The following MICAL2 variants were observed in gnomAD, a reference collection of about 807,000 sequenced individuals.
MICAL2 encodes microtubule associated monooxygenase, calponin and LIM domain containing 2, also known as [F-actin]-monooxygenase MICAL2.
In MICAL2, 77 loss-of-function variants were observed where a neutral mutation model predicts 127.3. The ratio of observed to expected loss-of-function variants is 0.60; its 90% CI spans 0.50 to 0.73. The LOEUF (loss-of-function observed/expected upper bound fraction) is 0.73. MICAL2 is among the 30% of genes least tolerant of loss of function. The probability of loss-of-function intolerance (pLI) is 0.00; values close to 1 mark genes in which losing one functional copy is unlikely to be tolerated. For missense variants in MICAL2, 1,351 were observed against 1,434.4 expected (o/e 0.94, Z 0.94); for synonymous variants, 570 against 551.1 (o/e 1.03, Z -0.48).
At chr11:12,200,089 C>G (rs1217595055) in intron 3 of MICAL2, among the ~76,000 whole-genome samples, 1 of 152,126 alleles carries the variant, frequency 6.6e-6, no homozygotes, top group African/African-American at 2.4e-5. Context: ...TCTATTGAGG[C>G]CTCCTAAGTA....
chr11:12,185,395 C>T (rs1462428497), intron 3 of MICAL2, among the ~76,000 whole-genome samples: 1 of 152,090 alleles, frequency 6.6e-6, no homozygotes. Flanking sequence ...TTGGCCATTC[C>T]ATCATGCCTT....
At chr11:12,356,102 A>G (rs1374542772) in intron 34 of MICAL2, among the ~76,000 whole-genome samples, 3 of 152,202 alleles carry the variant, frequency 2.0e-5, no homozygotes, top group Non-Finnish European at 4.4e-5. Flanking sequence ...ATACTAAATA[A>G]ATACCACCAA....
intron 16 of MICAL2, among the ~76,000 whole-genome samples, chr11:12,239,222 C>G (rs1859529215): frequency 6.6e-6 from 1 of 152,180 alleles, no homozygotes; most frequent in Admixed American, 6.5e-5. Context: ...CCACCTGGCT[C>G]CCAAGCCTAG....
chr11:12,175,914 G>A (rs928058975), intron 3 of MICAL2, among the ~76,000 whole-genome samples: 4 of 151,710 alleles, frequency 2.6e-5, no homozygotes, highest in Non-Finnish European at 5.9e-5. Context: ...AGTGGGGTTG[G>A]GCCTTGGAAC....
chr11:12,257,279 G>A, intron 24 of MICAL2: 1 of 292,434 alleles, frequency 3.4e-6, no homozygotes, highest in Non-Finnish European at 6.3e-6. Flanking sequence ...TCCCTGTATG[G>A]CCAAGAAAAT....
At chr11:12,255,571 T>C in intron 22 of MICAL2, 72 bp from the exon 23 acceptor site, 1 of 1,354,434 alleles carries the variant, frequency 7.4e-7, no homozygotes, top group Non-Finnish European at 1.0e-6. Context: ...TCCATCCTGC[T>C]TGTGTTTTCC....
intron 32 of MICAL2, among the ~76,000 whole-genome samples, chr11:12,330,816 AGAGAGG>A (rs1484031915): frequency 1.1e-4 from 16 of 150,760 alleles, no homozygotes; most frequent in African/African-American, 3.7e-4. Flanking sequence ...AGAGAGAGAG[AGAGAGG>A]GAGAGACAGA....
At chr11:12,265,769 G>C (rs559261072), downstream of MICAL2, among the ~76,000 whole-genome samples, 2 of 152,098 alleles carry the variant, frequency 1.3e-5, no homozygotes, top group Non-Finnish European at 2.9e-5. Flanking sequence ...AAAAGAAAAA[G>C]CAAGCATTTA....
At chr11:12,175,895 C>T (rs1418190127) in intron 3 of MICAL2, among the ~76,000 whole-genome samples, 2 of 151,892 alleles carry the variant, frequency 1.3e-5, no homozygotes, top group Non-Finnish European at 2.9e-5. Context: ...AGAGATGGGC[C>T]AGAGAGAGAG....
At chr11:12,181,907 A>C (rs993967856) in intron 3 of MICAL2, among the ~76,000 whole-genome samples, 2 of 152,186 alleles carry the variant, frequency 1.3e-5, no homozygotes, top group African/African-American at 2.4e-5. Context: ...CTAACCTCTA[A>C]CTGAAACGTA....
chr11:12,235,220 C>T (rs1186773019), intron 15 of MICAL2, among the ~76,000 whole-genome samples: 1 of 152,132 alleles, frequency 6.6e-6, no homozygotes, highest in South Asian at 2.1e-4. Context: ...CAGTCTTTCC[C>T]ACTCCAGCCA....
intron 32 of MICAL2, among the ~76,000 whole-genome samples, chr11:12,334,441 T>A (rs1419464146): frequency 3.9e-5 from 6 of 152,236 alleles, no homozygotes; most frequent in African/African-American, 1.4e-4. Flanking sequence ...TATTTTCTTT[T>A]CTTTTTTTTT....
intron 2 of MICAL2, among the ~76,000 whole-genome samples, chr11:12,157,947 T>G (rs936223377): frequency 1.3e-5 from 2 of 151,948 alleles, no homozygotes; most frequent in African/African-American, 4.8e-5. Flanking sequence ...AAAAAATAAA[T>G]GAGTTGTCCA....
intron 32 of MICAL2, among the ~76,000 whole-genome samples, chr11:12,334,465 T>C (rs1215699771): frequency 6.6e-6 from 1 of 152,082 alleles, no homozygotes; most frequent in Non-Finnish European, 1.5e-5. Context: ...TTTATTATTA[T>C]TATACTTTAA....
chr11:12,338,610 A>G (rs1045976800), intron 32 of MICAL2, among the ~76,000 whole-genome samples: 1 of 152,090 alleles, frequency 6.6e-6, no homozygotes, highest in Non-Finnish European at 1.5e-5. Flanking sequence ...TCCTTTCCAT[A>G]TTTAGTGCTT....
chr11:12,224,556 C>T (rs1375541100), intron 12 of MICAL2, 117 bp from the exon 13 acceptor site: 1 of 1,430,046 alleles, frequency 7.0e-7, no homozygotes, highest in Non-Finnish European at 9.5e-7. Context: ...GCCCTGGCCC[C>T]TTGCCTTGGG....
At chr11:12,304,274 G>T (rs1000177271) in intron 29 of MICAL2, among the ~76,000 whole-genome samples, 2 of 152,032 alleles carry the variant, frequency 1.3e-5, no homozygotes, top group Admixed American at 1.3e-4. Flanking sequence ...ATTCTGTGAG[G>T]TAAGGTGAAG....
At chr11:12,141,932 A>G (rs4757227) in intron 2 of MICAL2, among the ~76,000 whole-genome samples, 67,169 of 152,062 alleles carry the variant, frequency 0.44, 14,951 homozygotes, top group Middle Eastern at 0.51. Context: ...TTACAATTGT[A>G]AAGTATTAAA....
chr11:12,260,000 A>G, intron 26 of MICAL2, 103 bp downstream of exon 26: 4 of 1,554,544 alleles, frequency 2.6e-6, no homozygotes, highest in South Asian at 1.2e-5. Context: ...GCTGGCCTCC[A>G]TATCAGGGAC....
Sources: allele counts gnomAD v4.1 joint callset (sites outside exome capture counted in the v4.1 genomes callset), GRCh38; gene constraint gnomAD v4.1.1; transcripts MANE v1.5; gene names NCBI Gene and HGNC (gene_info 2026-07-23, HGNC 2026-07-21).